COL9A3: variants seen among roughly 807,000 people sequenced by gnomAD.
The protein encoded by COL9A3 is collagen alpha-3(IX) chain.
A neutral mutation model predicts 110.2 loss-of-function variants in COL9A3; 82 were observed. The observed-to-expected ratio is 0.74, with a 90% CI of 0.62 to 0.89. COL9A3 has a LOEUF of 0.89. COL9A3 is among the 40% of genes least tolerant of loss of function. The probability of loss-of-function intolerance (pLI) is 0.00; values close to 1 mark genes in which losing one functional copy is unlikely to be tolerated. For synonymous variants in COL9A3, 494 were observed against 403.8 expected (o/e 1.22, Z -2.68); for missense variants, 1,066 against 981.3 (o/e 1.09, Z -1.15).
At chr20:62,822,030 G>A in intron 8 of COL9A3, 81 bp from the exon 9 acceptor site, 1 of 920,686 alleles carries the variant, frequency 1.1e-6, no homozygotes, top group Non-Finnish European at 1.8e-6. Context: ...AGCTGGGCGT[G>A]TCCACCTCCC....
chr20:62,820,159 T>G (rs1250483696), intron 5 of COL9A3, among the ~76,000 whole-genome samples, 177 bp downstream of exon 5: 1 of 152,158 alleles, frequency 6.6e-6, no homozygotes. Flanking sequence ...CCCCTGTGCC[T>G]GCCTCCCTGC....
In COL9A3 at chr20:62,831,692, A is replaced by C. The variant is rs547392938; in HGVS notation, c.1288-462A>C. 4 of 192,296 alleles carry C rather than the reference A, an allele frequency of 2.1e-5. No homozygotes were observed. In the South Asian group the frequency reaches 3.3e-4, roughly 16 times the overall value. 11.9% of individuals were successfully genotyped at this position (192,296 alleles called of 1,614,324 possible). A position where few individuals can be genotyped will look rare whatever the true frequency, so the allele number is the denominator to read the frequency against. On this transcript the variant is annotated intron_variant, in intron 24 of 31. Transcript: ENST00000649368. ...TCCCTTTCACTTTAAACTCACGGGA[A>C]AGTCTCCTGCTTTTCTGCCCTTTGG...
intron 11 of COL9A3, among the ~76,000 whole-genome samples, chr20:62,824,707 G>A (rs1488380086): frequency 2.0e-5 from 3 of 152,196 alleles, no homozygotes; most frequent in Non-Finnish European, 4.4e-5. Flanking sequence ...CTGGCCATAG[G>A]CGTCAGAGAC....
At chr20:62,839,289 A>G (rs75827611) in intron 31 of COL9A3, among the ~76,000 whole-genome samples, 3,476 of 152,252 alleles carry the variant, frequency 0.023, 139 homozygotes, top group African/African-American at 0.078. Flanking sequence ...AGCTAAGTCA[A>G]TTTGGTTAGA....
rs1173926121 is a variant in COL9A3, at chr20:62,833,167, G to GTGGAGGA, written c.1368+107_1368+108insGGATGGA. 2.0e-5 allele frequency: 19 copies of GTGGAGGA among 958,464 alleles called. No homozygotes were observed. The Admixed American group carries it at 3.3e-4, about 17-fold the overall frequency. 59.4% of individuals were successfully genotyped at this position (958,464 alleles called of 1,614,324 possible). On this transcript the variant is annotated intron_variant, in intron 26 of 31. Coordinates refer to ENST00000649368, the MANE Select transcript of COL9A3 (RefSeq NM_001853.4). ...ACAGGGTCAAAATCTGCAGCTCCCG[G>GTGGAGGA]TGGAAGATCGGCAGCTCTGCTGGGC... is the stretch of plus-strand genomic sequence containing the variant.
At chr20:62,825,153 GAGGGAGGGGCTGGGCTCCGGCGGGA>G (rs2063542246) in intron 12 of COL9A3, 132 bp downstream of exon 12, 2 of 246,992 alleles carry the variant, frequency 8.1e-6, no homozygotes, top group African/African-American at 4.4e-5. Flanking sequence ...GCTCCGGCGG[GAGGGAGGGGCTGGGCTCCGGCGGGA>G]GGGAGGGGCT....
intron 31 of COL9A3, among the ~76,000 whole-genome samples, chr20:62,840,241 A>C (rs1240134656): frequency 1.4e-5 from 2 of 144,422 alleles, no homozygotes; most frequent in African/African-American, 5.2e-5. Flanking sequence ...GCTCACTCCA[A>C]ATCCACTCCT....
intron 16 of COL9A3, 144 bp from the exon 17 acceptor site, chr20:62,827,779 C>A (rs1600799725): frequency 1.2e-6 from 1 of 830,126 alleles, no homozygotes; most frequent in East Asian, 2.5e-5. Flanking sequence ...CTCCACGCAC[C>A]CACAGGCCCC....
intron 15 of COL9A3, among the ~76,000 whole-genome samples, 153 bp downstream of exon 15, chr20:62,826,973 G>A (rs1878364884): frequency 6.6e-6 from 1 of 152,218 alleles, no homozygotes; most frequent in African/African-American, 2.4e-5. Flanking sequence ...CATGGGTACG[G>A]GGGTGCTTAC....
At chr20:62,828,015 G>T in intron 17 of COL9A3, 39 bp downstream of exon 17, 1 of 1,608,508 alleles carries the variant, frequency 6.2e-7, no homozygotes, top group Non-Finnish European at 8.5e-7. Flanking sequence ...CTCCTCCCCC[G>T]GGTCCTGGGT....
At chr20:62,838,809 C>T in intron 31 of COL9A3, 48 bp downstream of exon 31, 1 of 1,454,244 alleles carries the variant, frequency 6.9e-7, no homozygotes, top group South Asian at 1.2e-5. Context: ...ATCTCTTCCG[C>T]CATCTTGTAG....
chr20:62,828,410 A>G (rs2063570906), intron 17 of COL9A3, among the ~76,000 whole-genome samples: 1 of 152,108 alleles, frequency 6.6e-6, no homozygotes. Context: ...TGATTCCAAA[A>G]CCAGTCCAGG....
intron 17 of COL9A3, 24 bp downstream of exon 17, chr20:62,828,000 G>T: frequency 6.2e-7 from 1 of 1,612,500 alleles, no homozygotes; most frequent in Non-Finnish European, 8.5e-7. Context: ...GCTGCTCATG[G>T]AATGCTCCTC....
chr20:62,822,622 C>T lies in COL9A3; in HGVS notation c.509C>T (p.Thr170Ile). 6.2e-7 allele frequency: 1 copy of T among 1,612,430 alleles called. No individual in the cohort carries two copies. The change falls in exon 10 of 32, where the codon ACT becomes ATT. Residue 170 changes from threonine to isoleucine, a missense_variant. Physicochemically the swap from Thr to Ile is moderately conservative, Grantham distance 89 (BLOSUM62 -1). Coordinates refer to ENST00000649368, the MANE Select transcript of COL9A3 (RefSeq NM_001853.4). ...GHPGVLPEGA[T>I]DLQCPSICPP... is the part of the protein sequence containing the mutation. ...CCAGGAGTCCTCCCTGAAGGCGCTA[C>T]TGACCTTCAGGTAGGCACTTGAAGC...
chr20:62,838,578 A>G (rs2063652550), intron 30 of COL9A3, 106 bp from the exon 31 acceptor site: 7 of 1,032,124 alleles, frequency 6.8e-6, no homozygotes, highest in Non-Finnish European at 1.0e-5. Context: ...TTTCCACTTC[A>G]GTGAAAAGCT....
intron 26 of COL9A3, among the ~76,000 whole-genome samples, chr20:62,834,702 G>A (rs1219574557): frequency 6.6e-6 from 1 of 152,100 alleles, no homozygotes; most frequent in African/African-American, 2.4e-5. Flanking sequence ...GAGTGCGGTG[G>A]TGTGATCTCA....
chr20:62,823,498 C>G (rs2063526767), intron 10 of COL9A3, among the ~76,000 whole-genome samples: 1 of 152,242 alleles, frequency 6.6e-6, no homozygotes, highest in South Asian at 2.1e-4. Flanking sequence ...CCGACGCTGT[C>G]TACCAGCCTC....
In COL9A3 at chr20:62,824,991, G is replaced by A. The variant is rs370882651; in HGVS notation, c.600G>A (p.Glu200=). The change falls in exon 12 of 32, where the codon GAG becomes GAA. Residue 200 remains glutamate (E), a synonymous_variant. Coordinates refer to ENST00000649368, the MANE Select transcript of COL9A3 (RefSeq NM_001853.4). ...AGGGACCCACTGGCTACAAAGGCGAGCAGGGGGAAGTCGGCAAGGACGGCG... is the reference window on the plus strand; with the variant it reads ...AGGGACCCACTGGCTACAAAGGCGAACAGGGGGAAGTCGGCAAGGACGGCG... ...GFKGPTGYKG[E]QGEVGKDGEK... 6.2e-7 allele frequency: 1 copy of A among 1,610,498 alleles called. No individual in the cohort carries two copies. Among genetic ancestry groups the A allele is most frequent in the Non-Finnish European group, 8.5e-7 (1 of 1,179,444 alleles).
Position 62,835,930 on chromosome 20 carries a change from G to C in COL9A3, c.1378G>C (p.Gly460Arg). 6.2e-7 allele frequency: 1 copy of C among 1,614,176 alleles called. No homozygotes were observed. The highest frequency in any genetic ancestry group is 8.5e-7 in the Non-Finnish European group (1 of 1,180,038). Residue 460 changes from glycine to arginine, a missense_variant, in exon 27 of 32, where the codon GGC becomes CGC. Physicochemically the swap from Gly to Arg is moderately radical, Grantham distance 125. Coordinates refer to ENST00000649368, the MANE Select transcript of COL9A3 (RefSeq NM_001853.4). ...PGDKGELGPSGLVGPKGESGS... is the reference protein window; with the variant it reads ...PGDKGELGPSRLVGPKGESGS... The stretch of plus-strand genomic sequence containing the variant: ...ACTTTTCTCTTCACAGGGTCCCAGC[G>C]GCCTGGTCGGACCCAAAGGAGAGGT...
Sources: allele counts gnomAD v4.1 joint callset (sites outside exome capture counted in the v4.1 genomes callset), GRCh38; gene constraint gnomAD v4.1.1; transcripts MANE v1.5; gene names NCBI Gene and HGNC (gene_info 2026-07-23, HGNC 2026-07-21).